CCND2: variants seen among roughly 807,000 people sequenced by gnomAD.
CCND2 encodes the protein cyclin D2.
In CCND2, 6 loss-of-function variants were observed where a neutral mutation model predicts 30.2. The ratio of observed to expected loss-of-function variants is 0.20; its 90% CI spans 0.11 to 0.39. The LOEUF is 0.39. CCND2 is among the 10% of genes least tolerant of loss of function. The pLI, the probability that CCND2 is intolerant of heterozygous loss-of-function variation, is 1.00. For missense variants in CCND2, 235 were observed against 373.4 expected, an observed-to-expected ratio of 0.63 and a Z score of 3.06; for synonymous variants, 150 against 153.1, an observed-to-expected ratio of 0.98 and a Z score of 0.15.
chr12:4,295,117 A>T (rs1272643548), intron 4 of CCND2, among the ~76,000 whole-genome samples: 2 of 152,256 alleles, frequency 1.3e-5, no homozygotes, highest in Non-Finnish European at 2.9e-5. Flanking sequence ...GGCCCCTGCC[A>T]TGCTAAACAA....
intron 4 of CCND2, among the ~76,000 whole-genome samples, chr12:4,296,508 G>A (rs1374461700): frequency 2.6e-5 from 4 of 152,186 alleles, no homozygotes; most frequent in East Asian, 1.9e-4. Context: ...ACCACGCCTC[G>A]TGTGCACACG....
Position 4,285,170 on chromosome 12 carries a change from T to G in CCND2, c.572-3672T>G. On this transcript the variant is annotated intron_variant, in intron 3 of 4. Coordinates refer to ENST00000261254, the MANE Select transcript of CCND2 (RefSeq NM_001759.4). This position sits in a 1 kb window ranked among gnomAD's most constrained non-coding sequence, Gnocchi z 4.1. Reference sequence around the variant, plus strand: ...CCTTAAGAAGTCTGAATATTGTACGTTTTGGGGGGAGTCCTCCATGCTGCC... The same window carrying G: ...CCTTAAGAAGTCTGAATATTGTACGGTTTGGGGGGAGTCCTCCATGCTGCC... The G allele has an allele frequency of 8.4e-6, 3 of 355,932 alleles. No homozygotes were observed. Among genetic ancestry groups the G allele is most frequent in the Non-Finnish European group, 7.8e-6 (2 of 255,058 alleles). The allele number at this position is 355,932 out of a possible 1,614,324, so 22.0% of individuals were successfully genotyped here. A position where few individuals can be genotyped will look rare whatever the true frequency, so the allele number is the denominator to read the frequency against.
intron 4 of CCND2, among the ~76,000 whole-genome samples, chr12:4,290,697 G>A (rs979197348): frequency 5.3e-5 from 8 of 151,478 alleles, no homozygotes; most frequent in East Asian, 1.9e-4. Flanking sequence ...TTTGTCCCCC[G>A]TTACTGATCT....
chr12:4,289,740 C>G (rs1051706210), intron 4 of CCND2, among the ~76,000 whole-genome samples: 3 of 152,100 alleles, frequency 2.0e-5, no homozygotes, highest in South Asian at 2.1e-4. Context: ...CTAGCCCGTC[C>G]GAGACAGGAT....
chr12:4,284,496 C>T (rs918418428), intron 3 of CCND2, among the ~76,000 whole-genome samples: 1 of 152,218 alleles, frequency 6.6e-6, no homozygotes, highest in Non-Finnish European at 1.5e-5. Flanking sequence ...CATGGCAAGG[C>T]GTGTGGCTGC....
chr12:4,291,030 A>G (rs1864094046), intron 4 of CCND2, among the ~76,000 whole-genome samples: 1 of 152,156 alleles, frequency 6.6e-6, no homozygotes, highest in South Asian at 2.1e-4. Flanking sequence ...CCTGGGTTGA[A>G]CATGTTCATA....
In CCND2 at chr12:4,301,431, T is replaced by C; in HGVS notation, c.*1422T>C. On this transcript the variant is annotated 3_prime_UTR_variant, in exon 5 of 5. Coordinates refer to ENST00000261254, the MANE Select transcript of CCND2 (RefSeq NM_001759.4). ...TACTTGAATTTTTCTTCCTCTCCACTTCTTAGAGGCATTCAGTTAGCAAAG... is the reference window on the plus strand; with the variant it reads ...TACTTGAATTTTTCTTCCTCTCCACCTCTTAGAGGCATTCAGTTAGCAAAG... 1 of 232,936 alleles carries C rather than the reference T, an allele frequency of 4.3e-6. No individual in the cohort carries two copies. The highest frequency in any genetic ancestry group is 6.1e-5 in the East Asian group (1 of 16,470). 14.4% of individuals were successfully genotyped at this position (232,936 alleles called of 1,614,324 possible).
chr12:4,295,276 T>A (rs1329954647), intron 4 of CCND2, among the ~76,000 whole-genome samples: 1 of 152,186 alleles, frequency 6.6e-6, no homozygotes, highest in Non-Finnish European at 1.5e-5. Context: ...GGGATTTGTG[T>A]AGTCGAAAGT....
chr12:4,282,970 T>A lies in CCND2; in HGVS notation c.571+4051T>A, dbSNP rs1863969961. 6.6e-6 allele frequency among the ~76,000 whole-genome samples: 1 copy of A among 152,204 alleles called. No homozygotes were observed. Among genetic ancestry groups the A allele is most frequent in the African/African-American group, 2.4e-5 (1 of 41,458 alleles). On this transcript the variant is annotated intron_variant, in intron 3 of 4. Transcript: ENST00000261254. This position sits in a 1 kb window ranked among gnomAD's most constrained non-coding sequence, Gnocchi z 4.3. ...GCCTGACCTGGCCTTCCCTTTCTTCTTCAGCGTCAGAGTGCGTATCTCTCT... is the reference window on the plus strand; with the variant it reads ...GCCTGACCTGGCCTTCCCTTTCTTCATCAGCGTCAGAGTGCGTATCTCTCT...
intron 4 of CCND2, among the ~76,000 whole-genome samples, chr12:4,295,699 C>G (rs1240439662): frequency 1.3e-5 from 2 of 152,172 alleles, no homozygotes; most frequent in Non-Finnish European, 2.9e-5. Context: ...ATTGCTTGAA[C>G]CCAGGAGGTG....
chr12:4,283,499 A>G (rs1324328009), intron 3 of CCND2, among the ~76,000 whole-genome samples: 1 of 152,244 alleles, frequency 6.6e-6, no homozygotes, highest in Admixed American at 6.5e-5. Flanking sequence ...CAACACTCAC[A>G]GTGAGTGACA....
intron 4 of CCND2, among the ~76,000 whole-genome samples, chr12:4,296,001 C>T (rs531329126): frequency 1.1e-4 from 17 of 152,360 alleles, no homozygotes; most frequent in African/African-American, 3.6e-4. Flanking sequence ...GAAGTGACAG[C>T]CAGACATCCC....
chr12:4,286,769 T>A (rs1282231952), intron 3 of CCND2, among the ~76,000 whole-genome samples: 1 of 152,230 alleles, frequency 6.6e-6, no homozygotes, highest in Non-Finnish European at 1.5e-5. Flanking sequence ...TTCATTCGTA[T>A]GCCAATAATA....
At chr12:4,280,628 A>T (rs998371452) in intron 3 of CCND2, among the ~76,000 whole-genome samples, 1 of 151,716 alleles carries the variant, frequency 6.6e-6, no homozygotes, top group African/African-American at 2.4e-5. Flanking sequence ...TCCTCCAGTG[A>T]CCTGTCATTT....
chr12:4,299,397 C>T lies in CCND2; in HGVS notation c.721-463C>T, dbSNP rs1318776666. On this transcript the variant is annotated intron_variant, in intron 4 of 4. Transcript: ENST00000261254. This position sits in a 1 kb window ranked among gnomAD's most constrained non-coding sequence, Gnocchi z 5.2. ...GAGGGTCAGTACGTTGGTTCATTGG[C>T]TTCCTTCTTATCTAGTTCTCGGGCT... Among the ~76,000 whole-genome samples the T allele has an allele frequency of 1.3e-5, 2 of 152,144 alleles. No individual in the cohort carries two copies. Among genetic ancestry groups the T allele is most frequent in the South Asian group, 2.1e-4 (1 of 4,830 alleles).
At position 4,276,050 on chromosome 12, in the gene CCND2, A is replaced by G. The variant is rs747983314; in HGVS notation, c.241A>G (p.Met81Val). ...KCEEEVFPLA[M>V]NYLDRFLAGV... ...CGAAGAAGAGGTCTTCCCTCTGGCC[A>G]TGAATTACCTGGACCGTTTCTTGGC... Residue 81 changes from methionine to valine, a missense_variant, in exon 2 of 5, where the codon ATG becomes GTG. Physicochemically the swap from Met to Val is conservative, Grantham distance 21. Coordinates refer to ENST00000261254, the MANE Select transcript of CCND2 (RefSeq NM_001759.4). This position sits in a 1 kb window ranked among gnomAD's most constrained non-coding sequence, Gnocchi z 4.8. The G allele has an allele frequency of 2.5e-6, 4 of 1,602,284 alleles. No individual in the cohort carries two copies. Among genetic ancestry groups the G allele is most frequent in the Non-Finnish European group, 3.4e-6 (4 of 1,178,202 alleles).
intron 4 of CCND2, among the ~76,000 whole-genome samples, chr12:4,289,949 AAAG>A (rs1286616424): frequency 6.6e-6 from 1 of 152,190 alleles, no homozygotes; most frequent in Non-Finnish European, 1.5e-5. Flanking sequence ...CCTGGGGTTT[AAAG>A]TCAACCTGAG....
chr12:4,280,299 T>C (rs1242809979), intron 3 of CCND2, among the ~76,000 whole-genome samples: 1 of 152,278 alleles, frequency 6.6e-6, no homozygotes, highest in African/African-American at 2.4e-5. Flanking sequence ...TTTCCTTTTC[T>C]GGCTGCCCTT....
In CCND2 at chr12:4,296,419, G is replaced by A. The variant is rs540467776; in HGVS notation, c.721-3441G>A. 5.3e-5 allele frequency among the ~76,000 whole-genome samples: 8 copies of A among 152,374 alleles called. No individual in the cohort carries two copies. In the East Asian group the frequency reaches 5.8e-4, roughly 11 times the overall value. On this transcript the variant is annotated intron_variant, in intron 4 of 4. Transcript: ENST00000261254. The stretch of plus-strand genomic sequence containing the variant: ...GTATTCACCAAGGGCTGTGCCATGC[G>A]AAACCCTCTTTAAAGGAACCGCATC...
Sources: gnomAD v4.1 joint callset for allele counts (sites outside exome capture counted in the v4.1 genomes callset) on GRCh38, gnomAD v4.1.1 for gene constraint, Gnocchi (gnomAD v3.1) non-coding constraint, MANE v1.5 for transcripts, NCBI Gene and HGNC (gene_info 2026-07-23, HGNC 2026-07-21) for gene names.